Variants in NCKAP5 observed in about 807,000 individuals in gnomAD.
NCKAP5 encodes NCK associated protein 5.
Under a neutral mutation model 167.0 loss-of-function variants are expected in NCKAP5, and 92 were observed. The observed-to-expected ratio is 0.55, with a 90% confidence interval of 0.47 to 0.66. NCKAP5 has a LOEUF of 0.66. Ranked by LOEUF, NCKAP5 falls within the 30% of genes least tolerant of loss-of-function variation. The pLI is 0.00. For synonymous variants in NCKAP5, 891 were observed against 877.4 expected, an observed-to-expected ratio of 1.02 and a Z score of -0.27; for missense variants, 2,378 against 2,315.0, an observed-to-expected ratio of 1.03 and a Z score of -0.56.
chr2:133,241,487 T>C (rs1289850081), intron 4 of NCKAP5, among the ~76,000 whole-genome samples: 2 of 152,244 alleles, frequency 1.3e-5, no homozygotes, highest in Non-Finnish European at 2.9e-5. Flanking sequence ...GGCATTTATC[T>C]AGTACTTAGC....
chr2:133,608,540 T>A, the NCKAP5 span, among the ~76,000 whole-genome samples: 1 of 152,196 alleles, frequency 6.6e-6, no homozygotes, highest in Non-Finnish European at 1.5e-5. Flanking sequence ...CAGGGCTTTG[T>A]GGAGTGACTC....
chr2:133,596,753 A>G, the NCKAP5 span, among the ~76,000 whole-genome samples: 5 of 147,590 alleles, frequency 3.4e-5, no homozygotes, highest in Admixed American at 1.3e-4. Flanking sequence ...AAGCCATGGT[A>G]CCACCTGGAG....
chr2:133,006,808 T>C (rs892502323), intron 6 of NCKAP5, among the ~76,000 whole-genome samples: 4 of 152,066 alleles, frequency 2.6e-5, no homozygotes, highest in Admixed American at 2.6e-4. Context: ...GGGATAAAAT[T>C]ATAGTGTTAT....
intron 11 of NCKAP5, among the ~76,000 whole-genome samples, chr2:132,812,568 C>G (rs375149941): frequency 3.0e-4 from 46 of 152,278 alleles, no homozygotes; most frequent in African/African-American, 1.1e-3. Context: ...ACAGGCGGAG[C>G]AGGCACCTGC....
intron 6 of NCKAP5, among the ~76,000 whole-genome samples, chr2:133,076,706 A>G (rs150241496): frequency 6.6e-6 from 1 of 152,338 alleles, no homozygotes; most frequent in Non-Finnish European, 1.5e-5. Flanking sequence ...TTACACTATT[A>G]CTGTGGTTTG....
chr2:133,253,864 C>T (rs2088480992), intron 4 of NCKAP5, among the ~76,000 whole-genome samples: 1 of 152,180 alleles, frequency 6.6e-6, no homozygotes, highest in Non-Finnish European at 1.5e-5. Context: ...CACCAGCTCC[C>T]CTACAATGTG....
intron 4 of NCKAP5, among the ~76,000 whole-genome samples, chr2:133,259,938 G>A (rs1222450797): frequency 6.6e-6 from 1 of 152,194 alleles, no homozygotes; most frequent in Non-Finnish European, 1.5e-5. Context: ...AGCTGGAAAT[G>A]TCTTGGGGAA....
At chr2:132,828,318 T>G (rs1276088817) in intron 11 of NCKAP5, among the ~76,000 whole-genome samples, 1 of 152,162 alleles carries the variant, frequency 6.6e-6, no homozygotes, top group Non-Finnish European at 1.5e-5. Context: ...ATCCCTAGTG[T>G]TGGAGGAGGG....
chr2:133,439,364 T>C (rs1690689920), intron 3 of NCKAP5, among the ~76,000 whole-genome samples: 1 of 152,336 alleles, frequency 6.6e-6, no homozygotes, highest in South Asian at 2.1e-4. Context: ...TACTTGGATA[T>C]ATTGCTCTTT....
At chr2:133,123,199 A>G (rs2278454) in intron 6 of NCKAP5, 25,302 of 152,346 alleles carry the variant, frequency 0.17, 2,568 homozygotes, top group East Asian at 0.37. Context: ...CCATTTCATC[A>G]TTTATTAGGC....
intron 16 of NCKAP5, among the ~76,000 whole-genome samples, chr2:132,768,971 G>C (rs1365586649): frequency 1.4e-5 from 2 of 139,560 alleles, no homozygotes; most frequent in Non-Finnish European, 3.0e-5. Context: ...ATGAGGCAGG[G>C]TCTTGCTCTG....
intron 6 of NCKAP5, among the ~76,000 whole-genome samples, chr2:133,088,771 TA>T (rs1323475710): frequency 2.6e-5 from 4 of 152,176 alleles, no homozygotes; most frequent in Non-Finnish European, 5.9e-5. Flanking sequence ...TCATCTGTAA[TA>T]AAACGATATG....
intron 2 of NCKAP5, among the ~76,000 whole-genome samples, chr2:133,541,957 C>G (rs1039375338): frequency 6.6e-6 from 1 of 152,100 alleles, no homozygotes; most frequent in South Asian, 2.1e-4. Flanking sequence ...ATGTCCCCAC[C>G]TGTTCAATAA....
chr2:132,988,630 A>G (rs2077365069), intron 7 of NCKAP5, among the ~76,000 whole-genome samples: 1 of 152,180 alleles, frequency 6.6e-6, no homozygotes, highest in Admixed American at 6.5e-5. Flanking sequence ...GGGCAGACAG[A>G]GGCTCTCCAG....
intron 4 of NCKAP5, among the ~76,000 whole-genome samples, chr2:133,215,400 G>A (rs2086384245): frequency 6.6e-6 from 1 of 152,118 alleles, no homozygotes; most frequent in South Asian, 2.1e-4. Flanking sequence ...AGGTAACACT[G>A]GCAAATACTT....
chr2:133,628,111 C>T, the NCKAP5 span, among the ~76,000 whole-genome samples: 1 of 152,152 alleles, frequency 6.6e-6, no homozygotes, highest in Non-Finnish European at 1.5e-5. Flanking sequence ...CTCAACACTC[C>T]TATTCAACAT....
chr2:133,331,058 A>ATG (rs1559389932), intron 3 of NCKAP5, among the ~76,000 whole-genome samples: 2 of 152,098 alleles, frequency 1.3e-5, no homozygotes, highest in African/African-American at 2.4e-5. Context: ...GTGCAAAAGT[A>ATG]TGTGTGTGTG....
chr2:132,686,043 A>G (rs1396318563), intron 19 of NCKAP5, among the ~76,000 whole-genome samples: 1 of 152,188 alleles, frequency 6.6e-6, no homozygotes, highest in Non-Finnish European at 1.5e-5. Context: ...CTCAGGAATC[A>G]ATGGGCTGAA....
chr2:133,335,614 T>G (rs1024017821), intron 3 of NCKAP5, among the ~76,000 whole-genome samples: 3 of 152,098 alleles, frequency 2.0e-5, no homozygotes, highest in Admixed American at 1.3e-4. Context: ...AAATAAAAAT[T>G]TTTGCCTGAT....
Sources: allele counts gnomAD v4.1 joint callset (sites outside exome capture counted in the v4.1 genomes callset), GRCh38; gene constraint gnomAD v4.1.1; transcripts MANE v1.5; gene names NCBI Gene and HGNC (gene_info 2026-07-23, HGNC 2026-07-21).